The following JARID2 variants were observed in gnomAD, a reference collection of about 807,000 sequenced individuals.
JARID2 encodes protein Jumonji.
JARID2 carries 21 observed loss-of-function variants against 125.6 expected under a neutral mutation model. The observed-to-expected ratio is 0.17, with a 90% confidence interval of 0.12 to 0.24. JARID2 has a LOEUF of 0.24. Among genes scored for constraint, JARID2 ranks in the 10% least tolerant of loss-of-function variants. The probability of loss-of-function intolerance (pLI) is 1.00; values close to 1 mark genes in which losing one functional copy is unlikely to be tolerated. For missense variants in JARID2, 1,303 were observed against 1,639.6 expected (o/e 0.79, Z 3.55); for synonymous variants, 736 against 661.6 (o/e 1.11, Z -1.73).
chr6:15,408,316 T>C (rs1393158087), intron 2 of JARID2, among the ~76,000 whole-genome samples: 1 of 152,224 alleles, frequency 6.6e-6, no homozygotes, highest in East Asian at 1.9e-4. Flanking sequence ...CATCCTCTTT[T>C]TTTCCTTTTC....
intron 1 of JARID2, among the ~76,000 whole-genome samples, chr6:15,277,269 T>G (rs1760561485): frequency 6.6e-6 from 1 of 152,106 alleles, no homozygotes; most frequent in South Asian, 2.1e-4. Context: ...ACAGCCCAGT[T>G]TTCTTAATTG....
intron 12 of JARID2, chr6:15,509,299 C>T: frequency 2.0e-6 from 2 of 985,080 alleles, no homozygotes; most frequent in East Asian, 1.1e-4. Flanking sequence ...GCTGTTCATG[C>T]CATGCTGACT....
intron 3 of JARID2, among the ~76,000 whole-genome samples, chr6:15,433,410 CTGTG>C (rs57296791): frequency 0.062 from 8,898 of 143,504 alleles, 375 homozygotes; most frequent in African/African-American, 0.12. Context: ...CCATGTCTCT[CTGTG>C]TGTGTGTGTG....
intron 3 of JARID2, among the ~76,000 whole-genome samples, chr6:15,423,808 A>G (rs1451677494): frequency 6.6e-6 from 1 of 152,092 alleles, no homozygotes; most frequent in Non-Finnish European, 1.5e-5. Flanking sequence ...GATAGGGAAG[A>G]GGTGTGAACA....
At chr6:15,516,163 T>C (rs569064628) in intron 16 of JARID2, among the ~76,000 whole-genome samples, 2 of 152,302 alleles carry the variant, frequency 1.3e-5, no homozygotes, top group Non-Finnish European at 2.9e-5. Context: ...CTTGTTTCTG[T>C]CAGTAGGTGG....
At chr6:15,490,443 G>A (rs1770097017) in intron 6 of JARID2, among the ~76,000 whole-genome samples, 1 of 152,168 alleles carries the variant, frequency 6.6e-6, no homozygotes, top group Non-Finnish European at 1.5e-5. Context: ...ACTGGGCAAT[G>A]CCATTTGATA....
intron 1 of JARID2, among the ~76,000 whole-genome samples, chr6:15,312,662 TGTTCCTTCCTGTTATG>T (rs1762054064): frequency 6.6e-6 from 1 of 152,234 alleles, no homozygotes; most frequent in East Asian, 1.9e-4. Context: ...GTGTATGGTT[TGTTCCTTCCTGTTATG>T]GTTCAGTAGT....
intron 5 of JARID2, among the ~76,000 whole-genome samples, chr6:15,478,224 T>C (rs1320709987): frequency 1.3e-5 from 2 of 152,168 alleles, no homozygotes; most frequent in Non-Finnish European, 2.9e-5. Flanking sequence ...AGCTCCTGGC[T>C]CTGATCCCTC....
intron 3 of JARID2, among the ~76,000 whole-genome samples, chr6:15,443,181 C>T (rs1767520544): frequency 1.3e-5 from 2 of 152,080 alleles, no homozygotes; most frequent in Admixed American, 6.5e-5. Flanking sequence ...ATGGTGTCTT[C>T]CTGATGTGGT....
intron 3 of JARID2, among the ~76,000 whole-genome samples, chr6:15,420,710 T>A (rs1478221541): frequency 6.6e-6 from 1 of 152,216 alleles, no homozygotes; most frequent in African/African-American, 2.4e-5. Flanking sequence ...TTCTGAGATC[T>A]GATTATTAGG....
In JARID2 at chr6:15,511,346, C is replaced by T. The variant is rs1277655127; in HGVS notation, c.2897C>T (p.Thr966Ile). The T allele has an allele frequency of 6.2e-7, 1 of 1,613,986 alleles. No homozygotes were observed. The highest frequency in any genetic ancestry group is 1.1e-5 in the South Asian group (1 of 91,080). The change falls in exon 13 of 18, where the codon ACC (threonine) becomes ATC (isoleucine). Residue 966 changes from threonine (T) to isoleucine (I), a missense_variant. By Grantham distance (89) the Thr-to-Ile change is moderately conservative. Around this residue, in one of 11 missense-constraint regions of JARID2, gnomAD observed 190 missense variants for 341.4 expected, o/e 0.56. Coordinates refer to ENST00000341776, the MANE Select transcript of JARID2 (RefSeq NM_004973.4). Reference protein sequence around the residue: ...EENKLEDVVHTLLQANGTPGL... With the variant: ...EENKLEDVVHILLQANGTPGL... The stretch of plus-strand genomic sequence containing the variant: ...AACAAGCTGGAAGATGTGGTCCACA[C>T]CCTGCTGCAAGCCAATGGCACCCCA...
At chr6:15,398,689 T>G (rs2127551996) in intron 2 of JARID2, among the ~76,000 whole-genome samples, 1 of 152,338 alleles carries the variant, frequency 6.6e-6, no homozygotes. Context: ...TTTTCTTATT[T>G]CTTAAAATTT....
In JARID2 at chr6:15,410,240, C is replaced by A; in HGVS notation, c.198C>A (p.Asp66Glu). The change falls in exon 3 of 18, where the codon GAC becomes GAA. Residue 66 changes from aspartate to glutamate, a missense_variant. This residue lies in a region of JARID2 where 93 missense variants were observed against 120.4 expected (regional missense o/e 0.77). Transcript: ENST00000341776. ...LKTVNGLLGN[D>E]QSKGLGPASE... ...CACCTGTAGGGCTCCTTGGTAATGACCAGTCTAAGGGATTAGGACCAGCAT... is the reference window on the plus strand; with the variant it reads ...CACCTGTAGGGCTCCTTGGTAATGAACAGTCTAAGGGATTAGGACCAGCAT... 6.2e-7 allele frequency: 1 copy of A among 1,613,788 alleles called. No homozygotes were observed. Among genetic ancestry groups the A allele is most frequent in the Non-Finnish European group, 8.5e-7 (1 of 1,179,782 alleles).
intron 4 of JARID2, among the ~76,000 whole-genome samples, chr6:15,461,435 T>G (rs1768443955): frequency 6.6e-6 from 1 of 152,184 alleles, no homozygotes; most frequent in Non-Finnish European, 1.5e-5. Flanking sequence ...AGAGCTGTAA[T>G]CCAGGAGGAG....
chr6:15,481,327 T>A (rs1769603550), intron 5 of JARID2, among the ~76,000 whole-genome samples: 1 of 152,242 alleles, frequency 6.6e-6, no homozygotes, highest in Non-Finnish European at 1.5e-5. Context: ...GAATGCTTTT[T>A]TTCTCTCCTT....
Position 15,500,897 on chromosome 6 carries a change from G to A in JARID2, c.1946-10G>A, listed in dbSNP as rs187900827. 3.0e-4 allele frequency: 474 copies of A among 1,571,482 alleles called. No homozygotes were observed. The African/African-American group carries it at 5.8e-3, about 19-fold the overall frequency. ...TAACTGTCCCGTTTTTTTCCCCTTCGCTGTCCCAGGGGGCTGTGAGCTCGA... is the reference window on the plus strand; with the variant it reads ...TAACTGTCCCGTTTTTTTCCCCTTCACTGTCCCAGGGGGCTGTGAGCTCGA... On this transcript the variant is annotated splice_polypyrimidine_tract_variant and intron_variant, in intron 7 of 17. Coordinates refer to ENST00000341776, the MANE Select transcript of JARID2 (RefSeq NM_004973.4).
chr6:15,394,135 T>G (rs1424015960), intron 2 of JARID2, among the ~76,000 whole-genome samples: 4 of 152,148 alleles, frequency 2.6e-5, no homozygotes, highest in Non-Finnish European at 5.9e-5. Context: ...GTCTAATAAT[T>G]TCAAACATAA....
chr6:15,263,040 T>A (rs1234545772), intron 1 of JARID2, among the ~76,000 whole-genome samples: 7 of 151,980 alleles, frequency 4.6e-5, no homozygotes, highest in Non-Finnish European at 8.8e-5. Flanking sequence ...CCTCCCCTTC[T>A]GGGGCTCTAG....
intron 3 of JARID2, among the ~76,000 whole-genome samples, chr6:15,428,185 A>G (rs1013008231): frequency 2.6e-5 from 4 of 152,168 alleles, no homozygotes; most frequent in Admixed American, 1.3e-4. Context: ...TTTCTACACA[A>G]TAAGGTAAAT....
Sources: allele counts gnomAD v4.1 joint callset (sites outside exome capture counted in the v4.1 genomes callset), GRCh38; gene constraint gnomAD v4.1.1; regional missense constraint gnomAD v4.1.1; transcripts MANE v1.5; gene names NCBI Gene and HGNC (gene_info 2026-07-23, HGNC 2026-07-21).